The following PES1 variants were observed in gnomAD, a reference collection of about 807,000 sequenced individuals.
The protein encoded by PES1 is pescadillo homolog.
PES1 carries 31 observed loss-of-function variants against 77.1 expected under a neutral mutation model. The observed-to-expected ratio is 0.40, with a 90% confidence interval of 0.30 to 0.54. The LOEUF is 0.54. Among genes scored for constraint, PES1 ranks in the 20% least tolerant of loss-of-function variants. PES1 has a pLI of 0.45. For missense variants in PES1, 658 were observed against 771.7 expected, an observed-to-expected ratio of 0.85 and a Z score of 1.75; for synonymous variants, 282 against 303.0, an observed-to-expected ratio of 0.93 and a Z score of 0.72.
chr22:30,583,755 C>G (rs2087021625), intron 6 of PES1, among the ~76,000 whole-genome samples: 1 of 152,250 alleles, frequency 6.6e-6, no homozygotes, highest in Non-Finnish European at 1.5e-5. Flanking sequence ...GAGACCCTAT[C>G]TCTATTTTAA....
intron 2 of PES1, among the ~76,000 whole-genome samples, chr22:30,599,674 C>T (rs1272873422): frequency 3.3e-5 from 5 of 151,816 alleles, no homozygotes; most frequent in South Asian, 2.1e-4. Context: ...CTGAGGTGGG[C>T]GGATCACCTG....
intron 2 of PES1, 61 bp downstream of exon 2, chr22:30,589,130 G>A (rs2087137658): frequency 8.1e-7 from 1 of 1,238,268 alleles, no homozygotes; most frequent in South Asian, 1.3e-5. Context: ...AGACAGGGAT[G>A]CAGCTGAGTT....
At chr22:30,596,355 T>TGTGTGC (rs1463905746), upstream of PES1, among the ~76,000 whole-genome samples, 2 of 152,112 alleles carry the variant, frequency 1.3e-5, no homozygotes, top group Non-Finnish European at 2.9e-5. Flanking sequence ...TGTGTGTGTG[T>TGTGTGC]GCGTGTGTAT....
chr22:30,586,650 A>G (rs1014880986), intron 4 of PES1, among the ~76,000 whole-genome samples: 2 of 152,194 alleles, frequency 1.3e-5, no homozygotes, highest in Admixed American at 6.5e-5. Context: ...CTGGAAAAGC[A>G]AGATCACCCC....
At position 30,580,775 on chromosome 22, in the gene PES1, C is replaced by T. The variant is rs1370510915; in HGVS notation, c.913-74G>A. ...ACTGGAGGGCCAGGGCTGGAGATAA[C>T]GTCCACTCCAGCTTCCTTCTAGATC... On this transcript the variant is annotated intron_variant, in intron 9 of 14. Coordinates refer to ENST00000354694, the MANE Select transcript of PES1 (RefSeq NM_014303.4). The T allele has an allele frequency of 1.3e-5, 20 of 1,595,350 alleles. No homozygotes were observed. The Admixed American group carries it at 1.9e-4, about 15-fold the overall frequency.
At chr22:30,604,251 C>T (rs552176693) in intron 2 of PES1, 2 of 152,288 alleles carry the variant, frequency 1.3e-5, no homozygotes, top group South Asian at 2.1e-4. Context: ...TTTCTGATTG[C>T]TTGTGCTTTT....
intron 2 of PES1, 59 bp downstream of exon 2, chr22:30,589,132 A>C: frequency 7.8e-7 from 1 of 1,279,258 alleles, no homozygotes; most frequent in Non-Finnish European, 1.1e-6. Flanking sequence ...ACAGGGATGC[A>C]GCTGAGTTTT....
At chr22:30,580,391 A>C (rs946150666) in intron 10 of PES1, among the ~76,000 whole-genome samples, 180 bp downstream of exon 10, 4 of 152,216 alleles carry the variant, frequency 2.6e-5, no homozygotes, top group African/African-American at 9.6e-5. Context: ...AAATGACGGC[A>C]GTTCCGCCCT....
At chr22:30,605,237 G>A (rs927043484) in intron 2 of PES1, among the ~76,000 whole-genome samples, 1 of 152,188 alleles carries the variant, frequency 6.6e-6, no homozygotes, top group Non-Finnish European at 1.5e-5. Flanking sequence ...GTGGGCTCAA[G>A]CAATCCTCCT....
At chr22:30,580,516 C>A (rs2086966556) in intron 10 of PES1, 55 bp downstream of exon 10, 7 of 1,606,390 alleles carry the variant, frequency 4.4e-6, no homozygotes, top group Non-Finnish European at 6.0e-6. Flanking sequence ...AGGGCAGGAC[C>A]CAGACCAGAG....
At chr22:30,583,320 C>T (rs779549759) in intron 6 of PES1, among the ~76,000 whole-genome samples, 18 of 152,216 alleles carry the variant, frequency 1.2e-4, no homozygotes, top group Non-Finnish European at 2.6e-4. Flanking sequence ...AGGGTAGGTT[C>T]CAGTCCTTGC....
chr22:30,583,969 G>C (rs1312331420), intron 6 of PES1, among the ~76,000 whole-genome samples: 1 of 152,248 alleles, frequency 6.6e-6, no homozygotes. Context: ...CAGTAGGTTC[G>C]AGGGCAGGGC....
At chr22:30,598,147 C>T (rs181069861) in intron 2 of PES1, among the ~76,000 whole-genome samples, 3 of 152,284 alleles carry the variant, frequency 2.0e-5, no homozygotes, top group East Asian at 3.9e-4. Context: ...TGCAATAACT[C>T]TTACTGCTGC....
intron 1 of PES1, chr22:30,606,728 T>TC (rs1386612212): frequency 4.2e-5 from 2 of 47,840 alleles, no homozygotes; most frequent in Admixed American, 1.3e-3. Flanking sequence ...ACTGCCCAAC[T>TC]CCCCCACCCC....
intron 1 of PES1, among the ~76,000 whole-genome samples, chr22:30,605,782 A>C (rs1188559572): frequency 6.6e-6 from 1 of 152,252 alleles, no homozygotes; most frequent in Non-Finnish European, 1.5e-5. Flanking sequence ...GTAGTTCCGT[A>C]AACAGACACA....
At chr22:30,597,812 G>A (rs995096702) in intron 2 of PES1, among the ~76,000 whole-genome samples, 1 of 151,288 alleles carries the variant, frequency 6.6e-6, no homozygotes, top group South Asian at 2.1e-4. Flanking sequence ...CCAGATAAGA[G>A]AATAAAAGCA....
exon 1 of PES1, chr22:30,606,993 T>C: frequency 1.5e-6 from 1 of 664,530 alleles, no homozygotes; most frequent in Non-Finnish European, 2.2e-6. Context: ...TCAGGCCCTC[T>C]GCGCTGGTCC....
In PES1 at chr22:30,578,859, C is replaced by A; in HGVS notation, c.1661G>T (p.Gly554Val). ...CACCTCTCGGATTTTTCGCCTCTTG[C>A]CAAACATGATCTTCTGGTACAGGTA... ...EKYLYQKIMF[G>V]KRRKIREANK... The change falls in exon 14 of 15, where the codon GGC becomes GTC. Residue 554 changes from glycine (G) to valine (V), a missense_variant. By Grantham distance (109) the Gly-to-Val change is moderately radical. Coordinates refer to ENST00000354694, the MANE Select transcript of PES1 (RefSeq NM_014303.4). The A allele has an allele frequency of 6.2e-7, 1 of 1,612,452 alleles. No homozygotes were observed. The highest frequency in any genetic ancestry group is 8.5e-7 in the Non-Finnish European group (1 of 1,180,008).
At chr22:30,580,022 G>A in intron 11 of PES1, 31 bp downstream of exon 11, 1 of 1,612,396 alleles carries the variant, frequency 6.2e-7, no homozygotes, top group Non-Finnish European at 8.5e-7. Context: ...AGGATACCCA[G>A]AAATCCGGAC....
Sources: allele counts gnomAD v4.1 joint callset (sites outside exome capture counted in the v4.1 genomes callset), GRCh38; gene constraint gnomAD v4.1.1; transcripts MANE v1.5; gene names NCBI Gene and HGNC (gene_info 2026-07-23, HGNC 2026-07-21).